Variants in PTCHD4 observed in about 807,000 individuals in gnomAD.
PTCHD4 encodes patched domain containing 4, also known as patched domain-containing protein 4.
In PTCHD4, 33 loss-of-function variants were observed where a neutral mutation model predicts 58.1. The ratio of observed to expected loss-of-function variants is 0.57; its 90% confidence interval spans 0.43 to 0.76. PTCHD4 has a LOEUF of 0.76. PTCHD4 is among the 30% of genes least tolerant of loss of function. PTCHD4 has a pLI of 0.00. For synonymous variants in PTCHD4, 478 were observed against 409.6 expected (o/e 1.17, Z -2.02); for missense variants, 1,058 against 1,027.1 (o/e 1.03, Z -0.41).
At chr6:48,090,720 G>A (rs747580274) in intron 1 of PTCHD4, among the ~76,000 whole-genome samples, 10 of 152,140 alleles carry the variant, frequency 6.6e-5, no homozygotes, top group South Asian at 2.1e-4. Flanking sequence ...TGTAGAATGC[G>A]CATTGGTAGG....
chr6:47,914,345 G>T (rs1442666904), intron 4 of PTCHD4, among the ~76,000 whole-genome samples: 1 of 152,072 alleles, frequency 6.6e-6, no homozygotes, highest in Non-Finnish European at 1.5e-5. Context: ...ATTCGCATTT[G>T]AATTAGTACA....
chr6:48,022,309 A>T (rs1239395778), intron 3 of PTCHD4, among the ~76,000 whole-genome samples: 1 of 151,780 alleles, frequency 6.6e-6, no homozygotes, highest in Non-Finnish European at 1.5e-5. Flanking sequence ...AGTGAGGGAT[A>T]ATTATTGAAT....
intron 3 of PTCHD4, among the ~76,000 whole-genome samples, chr6:48,060,387 A>T (rs956675304): frequency 2.6e-5 from 4 of 152,166 alleles, no homozygotes; most frequent in African/African-American, 9.7e-5. Flanking sequence ...TGAATACCTG[A>T]TCTTCTTTCA....
rs940091750 is a variant in PTCHD4 at position 47,873,275 on chromosome 6, C to T, written c.*5028G>A. Among the ~76,000 whole-genome samples, 1 of 151,724 alleles carries T rather than the reference C, an allele frequency of 6.6e-6. No individual in the cohort carries two copies. Among genetic ancestry groups the T allele is most frequent in the African/African-American group, 2.4e-5 (1 of 41,378 alleles). ...ACCACGTGATTCTCTCTGCTGTATT[C>T]TAAATCACAGAATATGTGGTATTAT... On this transcript the variant is annotated 3_prime_UTR_variant, in exon 5 of 5. Transcript: ENST00000339488.
intron 4 of PTCHD4, among the ~76,000 whole-genome samples, chr6:47,919,598 G>A (rs1454748906): frequency 6.6e-6 from 1 of 152,082 alleles, no homozygotes; most frequent in Admixed American, 6.6e-5. Flanking sequence ...GCTTAGAGAG[G>A]GGAGAAAATT....
At chr6:48,028,094 A>G (rs1763310423) in intron 3 of PTCHD4, among the ~76,000 whole-genome samples, 3 of 151,996 alleles carry the variant, frequency 2.0e-5, no homozygotes, top group African/African-American at 4.8e-5. Flanking sequence ...GATGCACACT[A>G]CTATGCCTGG....
chr6:47,973,798 T>A (rs1489461012), intron 4 of PTCHD4, among the ~76,000 whole-genome samples: 1 of 152,186 alleles, frequency 6.6e-6, no homozygotes, highest in Non-Finnish European at 1.5e-5. Context: ...ACAAATTCAA[T>A]CCTAAAGAAC....
intron 4 of PTCHD4, among the ~76,000 whole-genome samples, chr6:47,980,930 T>G (rs1357642411): frequency 6.6e-6 from 1 of 152,120 alleles, no homozygotes; most frequent in East Asian, 1.9e-4. Flanking sequence ...TTTGTTTCTG[T>G]ATGTAAGTAG....
chr6:48,107,510 T>C (rs1251130148), intron 1 of PTCHD4, among the ~76,000 whole-genome samples: 2 of 152,098 alleles, frequency 1.3e-5, no homozygotes, highest in African/African-American at 4.8e-5. Context: ...GAAGAAAACC[T>C]AGGCAATACC....
intron 4 of PTCHD4, among the ~76,000 whole-genome samples, chr6:47,890,295 T>C (rs1764337718): frequency 6.6e-6 from 1 of 152,050 alleles, no homozygotes; most frequent in Admixed American, 6.6e-5. Flanking sequence ...CTAAAACTTC[T>C]TGACAATTGC....
At chr6:47,929,221 T>C (rs150564753) in intron 4 of PTCHD4, among the ~76,000 whole-genome samples, 2 of 152,148 alleles carry the variant, frequency 1.3e-5, no homozygotes, top group African/African-American at 2.4e-5. Flanking sequence ...ATGTAAAAGA[T>C]AATTTACATA....
At chr6:47,977,858 A>C (rs193055568) in intron 4 of PTCHD4, among the ~76,000 whole-genome samples, 90 of 152,330 alleles carry the variant, frequency 5.9e-4, no homozygotes. Flanking sequence ...GAAAGTGTAG[A>C]TAAATCAACA....
At chr6:48,050,143 A>T (rs569723240) in intron 3 of PTCHD4, among the ~76,000 whole-genome samples, 2 of 152,006 alleles carry the variant, frequency 1.3e-5, no homozygotes, top group Non-Finnish European at 2.9e-5. Context: ...ATAGTTTTAT[A>T]ATAGAGAAGT....
rs191234252 is a variant in PTCHD4, at chr6:47,948,699, C to T, written c.898+59935G>A. On this transcript the variant is annotated intron_variant, in intron 4 of 4. Transcript: ENST00000339488. The stretch of plus-strand genomic sequence containing the variant: ...AATCTGACTTCCTTCTAATCCATTC[C>T]GCACACTGCAGCCTATAAGATCTTT... Among the ~76,000 whole-genome samples, 310 of 152,206 alleles carry T rather than the reference C, an allele frequency of 2.0e-3. 1 individual carries two copies. Among genetic ancestry groups the T allele is most frequent in the African/African-American group, 6.9e-3 (286 of 41,514 alleles).
intron 4 of PTCHD4, among the ~76,000 whole-genome samples, chr6:47,980,982 TC>T (rs1184010373): frequency 1.3e-5 from 2 of 152,122 alleles, no homozygotes; most frequent in Non-Finnish European, 2.9e-5. Context: ...TTTTGATTCT[TC>T]TTTTTATGAC....
intron 4 of PTCHD4, among the ~76,000 whole-genome samples, chr6:47,909,803 T>C (rs1371672424): frequency 3.3e-5 from 5 of 151,996 alleles, no homozygotes; most frequent in African/African-American, 1.2e-4. Flanking sequence ...CTTCCTTTTT[T>C]CCTTTCTTCC....
intron 1 of PTCHD4, among the ~76,000 whole-genome samples, chr6:48,100,655 A>G (rs975453552): frequency 1.2e-4 from 18 of 152,220 alleles, no homozygotes; most frequent in Admixed American, 2.6e-4. Flanking sequence ...AAAGAGAGGA[A>G]GATAAGCTTG....
chr6:48,092,615 A>C (rs1007071031), intron 1 of PTCHD4, among the ~76,000 whole-genome samples: 2 of 152,220 alleles, frequency 1.3e-5, no homozygotes, highest in African/African-American at 4.8e-5. Flanking sequence ...TGACATCTTA[A>C]TCAATGATTG....
chr6:48,018,262 A>C lies in PTCHD4; in HGVS notation c.418-9148T>G, dbSNP rs1163772894. Among the ~76,000 whole-genome samples the C allele has an allele frequency of 2.0e-5, 3 of 152,178 alleles. No homozygotes were observed. In the East Asian group the frequency reaches 5.8e-4, roughly 29 times the overall value. On this transcript the variant is annotated intron_variant, in intron 3 of 4. Coordinates refer to ENST00000339488, the MANE Select transcript of PTCHD4 (RefSeq NM_001384253.1). ...GAAGACATGCTGTTCAGCTTTTCTGAATGCCAGCACCCTCATCTCCAAAAT... is the reference window on the plus strand; with the variant it reads ...GAAGACATGCTGTTCAGCTTTTCTGCATGCCAGCACCCTCATCTCCAAAAT...
Sources: allele counts gnomAD v4.1 joint callset (sites outside exome capture counted in the v4.1 genomes callset), GRCh38; gene constraint gnomAD v4.1.1; transcripts MANE v1.5; gene names NCBI Gene and HGNC (gene_info 2026-07-23, HGNC 2026-07-21).